Variants in FMN2 observed in about 807,000 individuals in gnomAD.
FMN2 encodes the protein formin 2.
In FMN2, 51 loss-of-function variants were observed where a neutral mutation model predicts 142.3. That is an observed-to-expected ratio of 0.36 (90% CI 0.29 to 0.45). FMN2 has a LOEUF of 0.45. FMN2 is among the 20% of genes least tolerant of loss of function. FMN2 has a pLI of 1.00. For missense variants in FMN2, 1,936 were observed against 2,122.8 expected (o/e 0.91, Z 1.73); for synonymous variants, 882 against 869.8 (o/e 1.01, Z -0.25).
chr1:240,332,179 T>G (rs981910699), intron 11 of FMN2, among the ~76,000 whole-genome samples: 1 of 152,150 alleles, frequency 6.6e-6, no homozygotes, highest in Non-Finnish European at 1.5e-5. Flanking sequence ...ATTTTTTTAT[T>G]TTTATAATTG....
chr1:240,249,429 G>T (rs1039041203), intron 6 of FMN2, among the ~76,000 whole-genome samples: 14 of 151,858 alleles, frequency 9.2e-5, no homozygotes, highest in African/African-American at 3.4e-4. Context: ...TTTATATCTG[G>T]GTTCTCTATT....
chr1:240,146,351 G>T (rs1179954845), intron 2 of FMN2, among the ~76,000 whole-genome samples: 4 of 145,152 alleles, frequency 2.8e-5, no homozygotes, highest in African/African-American at 1.0e-4. Flanking sequence ...CTGAGATTGT[G>T]CCACTGCACT....
intron 6 of FMN2, among the ~76,000 whole-genome samples, chr1:240,232,738 C>A (rs1038343937): frequency 6.6e-6 from 1 of 152,158 alleles, no homozygotes; most frequent in South Asian, 2.1e-4. Flanking sequence ...GTCATGTTTG[C>A]CATTCTTGAG....
intron 7 of FMN2, among the ~76,000 whole-genome samples, chr1:240,289,530 T>A (rs900587352): frequency 4.6e-5 from 7 of 151,738 alleles, no homozygotes; most frequent in Admixed American, 2.0e-4. Context: ...AATAGAAATA[T>A]TATCTGGGCA....
intron 8 of FMN2, among the ~76,000 whole-genome samples, chr1:240,328,834 G>A (rs570251655): frequency 8.0e-4 from 122 of 152,090 alleles, no homozygotes; most frequent in African/African-American, 2.1e-3. Flanking sequence ...CAGGTGATCC[G>A]CCCGCCTTGG....
intron 2 of FMN2, among the ~76,000 whole-genome samples, chr1:240,154,088 C>T (rs1824114): frequency 5.5e-5 from 6 of 108,302 alleles, no homozygotes; most frequent in Admixed American, 1.4e-4. Flanking sequence ...CCAGCCTGGG[C>T]GACAAAGTGA....
chr1:240,215,730 A>G (rs1426949686), intron 6 of FMN2, among the ~76,000 whole-genome samples: 1 of 151,922 alleles, frequency 6.6e-6, no homozygotes, highest in African/African-American at 2.4e-5. Flanking sequence ...TTTTTTTTAA[A>G]TGGAGTCTCA....
chr1:240,370,577 G>C (rs1369914364), intron 14 of FMN2, among the ~76,000 whole-genome samples: 1 of 152,082 alleles, frequency 6.6e-6, no homozygotes, highest in East Asian at 1.9e-4. Context: ...CCTTATTCTT[G>C]ATGCCTCCTT....
chr1:240,261,395 CT>C (rs796443563), intron 7 of FMN2, among the ~76,000 whole-genome samples: 274 of 141,572 alleles, frequency 1.9e-3, no homozygotes, highest in African/African-American at 4.5e-3. Flanking sequence ...CAAGATTGTG[CT>C]TTTTTTTTTT....
Position 240,198,120 on chromosome 1 carries a change from T to C in FMN2, c.1987-8679T>C, listed in dbSNP as rs114321907. On this transcript the variant is annotated intron_variant, in intron 4 of 17. Coordinates refer to ENST00000319653, the MANE Select transcript of FMN2 (RefSeq NM_020066.5). Reference sequence around the variant, plus strand: ...GGAAAGTGAAGCTGGAATAAAATAGTGCTTTCCTTCCTTGCATTACTTGAG... The same window carrying C: ...GGAAAGTGAAGCTGGAATAAAATAGCGCTTTCCTTCCTTGCATTACTTGAG... Among the ~76,000 whole-genome samples, 1,354 of 152,294 alleles carry C rather than the reference T, an allele frequency of 8.9e-3. 10 individuals are homozygous for C. Among genetic ancestry groups the C allele is most frequent in the Non-Finnish European group, 0.014 (970 of 68,022 alleles).
intron 16 of FMN2, among the ~76,000 whole-genome samples, chr1:240,446,936 G>A (rs1481696280): frequency 6.6e-6 from 1 of 152,158 alleles, no homozygotes; most frequent in East Asian, 1.9e-4. Context: ...ATTAGGGGGA[G>A]TGGAGCTTTA....
At chr1:240,194,367 G>A (rs1665832397) in intron 4 of FMN2, among the ~76,000 whole-genome samples, 1 of 152,170 alleles carries the variant, frequency 6.6e-6, no homozygotes, top group Non-Finnish European at 1.5e-5. Context: ...TCAGACATTA[G>A]TTAAAATGGT....
At chr1:240,141,486 G>A (rs897910353) in intron 2 of FMN2, among the ~76,000 whole-genome samples, 2 of 151,830 alleles carry the variant, frequency 1.3e-5, no homozygotes, top group African/African-American at 4.8e-5. Flanking sequence ...TCCTACCTCA[G>A]CCTCCCGAGT....
chr1:240,211,353 G>C (rs1361597225), intron 6 of FMN2, 118 bp downstream of exon 6: 1 of 929,364 alleles, frequency 1.1e-6, no homozygotes, highest in African/African-American at 1.7e-5. Flanking sequence ...ATCTTAGGCA[G>C]ACAGCAAGGG....
intron 2 of FMN2, chr1:240,143,948 A>T: frequency 6.8e-7 from 1 of 1,460,576 alleles, no homozygotes; most frequent in South Asian, 1.1e-5. Context: ...ACCAAGTCTC[A>T]TGGTGTTGCT....
chr1:240,358,751 C>T (rs1386195133), intron 14 of FMN2, among the ~76,000 whole-genome samples: 2 of 152,110 alleles, frequency 1.3e-5, no homozygotes, highest in East Asian at 1.9e-4. Flanking sequence ...ACCTCCACCT[C>T]GTCTCTCCCA....
At chr1:240,214,333 C>T (rs982066744) in intron 6 of FMN2, among the ~76,000 whole-genome samples, 4 of 151,774 alleles carry the variant, frequency 2.6e-5, no homozygotes, top group African/African-American at 4.8e-5. Context: ...GGGCGGATCA[C>T]GAGGTCAGGA....
chr1:240,229,919 T>TACAGGTATGAGCCACC (rs1667481632), intron 6 of FMN2, among the ~76,000 whole-genome samples: 1 of 131,880 alleles, frequency 7.6e-6, no homozygotes, highest in Non-Finnish European at 1.6e-5. Context: ...GTGCTAGGAT[T>TACAGGTATGAGCCACC]ACAGGTATGA....
At chr1:240,441,272 C>A (rs1236300579) in intron 16 of FMN2, among the ~76,000 whole-genome samples, 1 of 152,060 alleles carries the variant, frequency 6.6e-6, no homozygotes, top group Non-Finnish European at 1.5e-5. Context: ...GGATTACAGG[C>A]GTGAGCCACC....
Sources: gnomAD v4.1 joint callset for allele counts (sites outside exome capture counted in the v4.1 genomes callset) on GRCh38, gnomAD v4.1.1 for gene constraint, MANE v1.5 for transcripts, NCBI Gene and HGNC (gene_info 2026-07-23, HGNC 2026-07-21) for gene names.